AFG2A: variants seen among roughly 807,000 people sequenced by gnomAD.
AFG2A encodes AAA ATPase AFG2A.
the AFG2A span, among the ~76,000 whole-genome samples, chr4:123,241,019 A>G: frequency 6.6e-6 from 1 of 152,218 alleles, no homozygotes; most frequent in Admixed American, 6.5e-5. Context: ...ACTCAAATAA[A>G]CTAGAAAATC....
the AFG2A span, among the ~76,000 whole-genome samples, chr4:123,096,985 G>A: frequency 2.2e-4 from 34 of 152,110 alleles, no homozygotes; most frequent in Middle Eastern, 6.8e-3. Context: ...TTTGTTTTGA[G>A]ATGCAGGTCT....
At chr4:123,213,116 G>A in the AFG2A span, among the ~76,000 whole-genome samples, 1 of 152,072 alleles carries the variant, frequency 6.6e-6, no homozygotes, top group Non-Finnish European at 1.5e-5. Flanking sequence ...TTCCAAATAA[G>A]TAGTTTTATT....
the AFG2A span, among the ~76,000 whole-genome samples, chr4:123,164,314 T>G: frequency 6.6e-6 from 1 of 152,188 alleles, no homozygotes; most frequent in African/African-American, 2.4e-5. Context: ...ACTTTCCCAA[T>G]AGAAATTTAA....
chr4:122,965,520 C>G, the AFG2A span, among the ~76,000 whole-genome samples: 7 of 152,140 alleles, frequency 4.6e-5, no homozygotes, highest in Admixed American at 4.6e-4. Flanking sequence ...TTCAAGGTAT[C>G]TTGTTTTCCA....
the AFG2A span, among the ~76,000 whole-genome samples, chr4:123,243,488 A>G: frequency 6.6e-6 from 1 of 152,144 alleles, no homozygotes; most frequent in Non-Finnish European, 1.5e-5. Flanking sequence ...TCAGCAAACT[A>G]TCAGAAGGAC....
At chr4:123,228,983 G>T in the AFG2A span, among the ~76,000 whole-genome samples, 2 of 151,918 alleles carry the variant, frequency 1.3e-5, no homozygotes, top group African/African-American at 4.8e-5. Context: ...TACAAGTATG[G>T]TTCTTTATCC....
At chr4:123,002,613 A>C in the AFG2A span, among the ~76,000 whole-genome samples, 5 of 152,070 alleles carry the variant, frequency 3.3e-5, no homozygotes, top group African/African-American at 1.2e-4. Flanking sequence ...TCTTTTCTTT[A>C]AGAATGTTGA....
chr4:123,317,236 A>AC, the AFG2A span: 1 of 152,110 alleles, frequency 6.6e-6, no homozygotes, highest in Admixed American at 6.6e-5. Context: ...AAAAAAAAAA[A>AC]AAAAAAACCT....
chr4:122,953,586 T>C, the AFG2A span, among the ~76,000 whole-genome samples: 1 of 152,210 alleles, frequency 6.6e-6, no homozygotes, highest in Admixed American at 6.5e-5. Context: ...ACACTTGCTA[T>C]CCCTCTGCAG....
the AFG2A span, among the ~76,000 whole-genome samples, chr4:122,967,689 G>C: frequency 6.6e-6 from 1 of 152,084 alleles, no homozygotes; most frequent in South Asian, 2.1e-4. Context: ...TTTTTAAAGA[G>C]GTAGGGTCTT....
chr4:123,017,075 CA>C, the AFG2A span, among the ~76,000 whole-genome samples: 1 of 151,494 alleles, frequency 6.6e-6, no homozygotes, highest in African/African-American at 2.4e-5. Flanking sequence ...GGCAGCAGTA[CA>C]GTCCAGCTTC....
At chr4:123,034,418 G>C in the AFG2A span, among the ~76,000 whole-genome samples, 1 of 151,876 alleles carries the variant, frequency 6.6e-6, no homozygotes, top group Non-Finnish European at 1.5e-5. Flanking sequence ...CACGTTAAAA[G>C]ACATTCTGTA....
At chr4:123,006,414 T>C in the AFG2A span, among the ~76,000 whole-genome samples, 1,841 of 152,282 alleles carry the variant, frequency 0.012, 41 homozygotes, top group African/African-American at 0.041. Flanking sequence ...ATTCATCTTG[T>C]ATATTTGAGC....
chr4:123,312,926 A>G, the AFG2A span, among the ~76,000 whole-genome samples: 1 of 152,224 alleles, frequency 6.6e-6, no homozygotes. Flanking sequence ...ACAAACAGAG[A>G]AAATACGCTG....
chr4:123,152,778 A>T, the AFG2A span, among the ~76,000 whole-genome samples: 3 of 152,234 alleles, frequency 2.0e-5, no homozygotes, highest in African/African-American at 7.2e-5. Flanking sequence ...AGTTGAAAAC[A>T]TGTCCACACA....
chr4:123,184,249 G>A, the AFG2A span, among the ~76,000 whole-genome samples: 16 of 152,060 alleles, frequency 1.1e-4, no homozygotes, highest in Non-Finnish European at 2.2e-4. Flanking sequence ...AATGATACTG[G>A]TCTGTTTTGT....
chr4:123,302,122 C>T, the AFG2A span, among the ~76,000 whole-genome samples: 3 of 152,274 alleles, frequency 2.0e-5, no homozygotes, highest in African/African-American at 7.2e-5. Flanking sequence ...CCCACACCAT[C>T]CCCCGAGCCG....
At chr4:123,031,024 C>T in the AFG2A span, among the ~76,000 whole-genome samples, 16,428 of 152,184 alleles carry the variant, frequency 0.11, 987 homozygotes, top group Middle Eastern at 0.21. Context: ...AATAATTTGT[C>T]TTCTACTAGC....
chr4:123,258,919 T>A, the AFG2A span, among the ~76,000 whole-genome samples: 2 of 145,086 alleles, frequency 1.4e-5, no homozygotes, highest in African/African-American at 2.6e-5. Flanking sequence ...CAGGCTGGAG[T>A]GCAGTGGCAC....
Sources: gnomAD v4.1 joint callset for allele counts (sites outside exome capture counted in the v4.1 genomes callset) on GRCh38, gnomAD v4.1.1 for gene constraint, MANE v1.5 for transcripts, NCBI Gene and HGNC (gene_info 2026-07-23, HGNC 2026-07-21) for gene names.